The following GABRB3 variants were observed in gnomAD, a reference collection of about 807,000 sequenced individuals.
GABRB3 encodes gamma-aminobutyric acid receptor subunit beta-3.
A neutral mutation model predicts 52.1 loss-of-function variants in GABRB3; 14 were observed. That is an observed-to-expected ratio of 0.27 (90% CI 0.18 to 0.42). The LOEUF (loss-of-function observed/expected upper bound fraction) is 0.42. GABRB3 is among the 10% of genes least tolerant of loss of function. The probability of loss-of-function intolerance (pLI) is 1.00; values close to 1 mark genes in which losing one functional copy is unlikely to be tolerated. For synonymous variants in GABRB3, 260 were observed against 232.3 expected, an observed-to-expected ratio of 1.12 and a Z score of -1.08; for missense variants, 307 against 609.1, an observed-to-expected ratio of 0.50 and a Z score of 5.22.
At chr15:26,725,677 T>C (rs1042654092) in intron 3 of GABRB3, among the ~76,000 whole-genome samples, 51 of 152,332 alleles carry the variant, frequency 3.3e-4, no homozygotes, top group African/African-American at 1.1e-3. Context: ...ATTTGGAGTT[T>C]TTTTCATATT....
At chr15:26,711,068 C>T (rs1241621705) in intron 3 of GABRB3, among the ~76,000 whole-genome samples, 1 of 152,090 alleles carries the variant, frequency 6.6e-6, no homozygotes, top group Non-Finnish European at 1.5e-5. Flanking sequence ...AGTTCAACAC[C>T]ATCTATTCCA....
intron 3 of GABRB3, among the ~76,000 whole-genome samples, chr15:26,625,805 G>A (rs1414690202): frequency 1.3e-5 from 2 of 152,138 alleles, no homozygotes; most frequent in East Asian, 3.9e-4. Context: ...AGGGGCTGGG[G>A]AGGTAGCAGT....
rs570831930 is a variant in GABRB3, at chr15:26,697,073, A to G, written c.240+75329T>C. 1.6e-4 allele frequency among the ~76,000 whole-genome samples: 24 copies of G among 152,376 alleles called. No homozygotes were observed. The South Asian group carries it at 5.0e-3, about 32-fold the overall frequency. Reference sequence around the variant, plus strand: ...GAGTTGTTAAGAATCCTTGCAACATACAAGTCTCTTCTGGCTACTTCCACC... The same window carrying G: ...GAGTTGTTAAGAATCCTTGCAACATGCAAGTCTCTTCTGGCTACTTCCACC... On this transcript the variant is annotated intron_variant, in intron 3 of 8. Transcript: ENST00000311550.
intron 3 of GABRB3, among the ~76,000 whole-genome samples, chr15:26,767,390 C>G (rs1654832215): frequency 6.6e-6 from 1 of 152,298 alleles, no homozygotes; most frequent in African/African-American, 2.4e-5. Flanking sequence ...CAGAAGCAAT[C>G]AGTAAAGGAC....
intron 3 of GABRB3, among the ~76,000 whole-genome samples, chr15:26,636,893 G>T (rs1893075582): frequency 6.6e-6 from 1 of 152,116 alleles, no homozygotes; most frequent in Non-Finnish European, 1.5e-5. Flanking sequence ...TATCACCACT[G>T]TTTCTACCAC....
At position 26,561,172 on chromosome 15, in the gene GABRB3, G is replaced by A. The variant is rs1053195381; in HGVS notation, c.840C>T (p.Ile280=). The A allele has an allele frequency of 5.0e-6, 8 of 1,613,794 alleles. No individual in the cohort carries two copies. In the African/African-American group the frequency reaches 1.1e-4, roughly 22 times the overall value. The change falls in exon 8 of 9, where the codon ATC becomes ATT. Residue 280 remains isoleucine, a synonymous_variant. Coordinates refer to ENST00000311550, the MANE Select transcript of GABRB3 (RefSeq NM_000814.6). ...TGGTTGTCATTGTCAGCACAGTTGT[G>A]ATCCCTAGAAAAGAAACAAAGTGGT... ...DASAARVALG[I]TTVLTMTTIN...
chr15:26,773,570 G>C, upstream of GABRB3: 1 of 1,247,962 alleles, frequency 8.0e-7, no homozygotes. Context: ...CCCGGGTGCC[G>C]CGCCTCTGCC....
chr15:26,613,415 G>GAAAGAAAGAAGGAAAGAAAGAA (rs1273074566), intron 4 of GABRB3: 1 of 149,950 alleles, frequency 6.7e-6, no homozygotes, highest in Non-Finnish European at 1.5e-5. Flanking sequence ...CATCTCAAAA[G>GAAAGAAAGAAGGAAAGAAAGAA]AAAGAAAGAA....
At chr15:26,736,852 G>A (rs1890077575) in intron 3 of GABRB3, among the ~76,000 whole-genome samples, 1 of 152,232 alleles carries the variant, frequency 6.6e-6, no homozygotes, top group Admixed American at 6.5e-5. Context: ...GGGCCAAAGG[G>A]GTCTGAAGCT....
At chr15:26,702,046 C>A (rs1020121019) in intron 3 of GABRB3, among the ~76,000 whole-genome samples, 5 of 152,086 alleles carry the variant, frequency 3.3e-5, no homozygotes, top group African/African-American at 1.2e-4. Context: ...ATCCATACCC[C>A]AAAAAGAACT....
At chr15:26,672,594 G>A (rs554616740) in intron 3 of GABRB3, among the ~76,000 whole-genome samples, 5 of 152,086 alleles carry the variant, frequency 3.3e-5, no homozygotes, top group African/African-American at 1.2e-4. Flanking sequence ...TCACCTGTCC[G>A]ATGTTGCTTT....
At chr15:26,664,415 G>A (rs556124027) in intron 3 of GABRB3, among the ~76,000 whole-genome samples, 2 of 152,124 alleles carry the variant, frequency 1.3e-5, no homozygotes, top group East Asian at 3.9e-4. Context: ...TTGTGGACAG[G>A]GCATGGGAGG....
intron 3 of GABRB3, among the ~76,000 whole-genome samples, chr15:26,665,090 A>G (rs1167018372): frequency 6.6e-6 from 1 of 152,180 alleles, no homozygotes; most frequent in Non-Finnish European, 1.5e-5. Flanking sequence ...AACATTTTAT[A>G]TTTTAGCATT....
At chr15:26,689,629 A>T (rs1888519980) in intron 3 of GABRB3, among the ~76,000 whole-genome samples, 1 of 152,008 alleles carries the variant, frequency 6.6e-6, no homozygotes, top group Non-Finnish European at 1.5e-5. Flanking sequence ...CTCTGACATC[A>T]AAAGGTGAGG....
At chr15:26,730,468 G>A (rs1889882472) in intron 3 of GABRB3, among the ~76,000 whole-genome samples, 1 of 150,550 alleles carries the variant, frequency 6.6e-6, no homozygotes, top group South Asian at 2.1e-4. Flanking sequence ...ACAGTTTCCC[G>A]GTGCACAGGC....
At chr15:26,634,114 A>G (rs1468104388) in intron 3 of GABRB3, among the ~76,000 whole-genome samples, 3 of 152,090 alleles carry the variant, frequency 2.0e-5, no homozygotes, top group East Asian at 1.9e-4. Flanking sequence ...ACTGGGCACC[A>G]AAGAGCTAAG....
chr15:26,598,024 G>C (rs1187194748), intron 4 of GABRB3, among the ~76,000 whole-genome samples: 3 of 152,126 alleles, frequency 2.0e-5, no homozygotes, highest in African/African-American at 4.8e-5. Context: ...TGCTAAATCT[G>C]AATTTAGTAT....
At chr15:26,752,362 C>A (rs1042370075) in intron 3 of GABRB3, among the ~76,000 whole-genome samples, 1 of 151,776 alleles carries the variant, frequency 6.6e-6, no homozygotes, top group Admixed American at 6.6e-5. Flanking sequence ...CTCCTGGGTT[C>A]AAGAGATTCT....
chr15:26,686,497 T>C (rs911277909), intron 3 of GABRB3, among the ~76,000 whole-genome samples: 1 of 152,204 alleles, frequency 6.6e-6, no homozygotes, highest in African/African-American at 2.4e-5. Context: ...CACAAAGCTC[T>C]AAAAATCATG....
Sources: gnomAD v4.1 joint callset for allele counts (sites outside exome capture counted in the v4.1 genomes callset) on GRCh38, gnomAD v4.1.1 for gene constraint, MANE v1.5 for transcripts, NCBI Gene and HGNC (gene_info 2026-07-23, HGNC 2026-07-21) for gene names.